Variants in NMUR2 observed in about 807,000 individuals in gnomAD.
The protein encoded by NMUR2 is neuromedin U receptor 2.
NMUR2 carries 24 observed loss-of-function variants against 25.1 expected under a neutral mutation model. The ratio of observed to expected loss-of-function variants is 0.96; its 90% CI spans 0.69 to 1.34. NMUR2 has a LOEUF of 1.34. NMUR2 is among the 40% of genes most tolerant of loss of function. NMUR2 has a pLI of 0.00. For missense variants in NMUR2, 533 were observed against 512.8 expected (o/e 1.04, Z -0.38); for synonymous variants, 218 against 208.1 (o/e 1.05, Z -0.41).
intron 3 of NMUR2, 71 bp from the exon 4 acceptor site, chr5:152,392,572 A>AAT: frequency 8.1e-7 from 1 of 1,231,434 alleles, no homozygotes. Context: ...AAGAAGCATA[A>AAT]ATATTTACAA....
chr5:152,395,592 T>G lies in NMUR2; in HGVS notation c.812-8A>C. 1 of 1,612,566 alleles carries G rather than the reference T, an allele frequency of 6.2e-7. No individual in the cohort carries two copies. Among genetic ancestry groups the G allele is most frequent in the Non-Finnish European group, 8.5e-7 (1 of 1,179,396 alleles). Reference sequence around the variant, plus strand: ...ACACTAAGACCAAGACAACTGAAAATGGATGATAAATGGGAGACCAGAAGA... The same window carrying G: ...ACACTAAGACCAAGACAACTGAAAAGGGATGATAAATGGGAGACCAGAAGA... On this transcript the variant is annotated splice_region_variant and splice_polypyrimidine_tract_variant and intron_variant, in intron 2 of 3. Coordinates refer to ENST00000255262, the MANE Select transcript of NMUR2 (RefSeq NM_020167.5).
Position 152,404,732 on chromosome 5 carries a change from T to C in NMUR2, c.382A>G (p.Thr128Ala), listed in dbSNP as rs912549370. 3 of 1,614,048 alleles carry C rather than the reference T, an allele frequency of 1.9e-6. No individual in the cohort carries two copies. Among genetic ancestry groups the C allele is most frequent in the Admixed American group, 3.3e-5 (2 of 60,014 alleles). Reference sequence around the variant, plus strand: ...CTGAGGATGGAGGCGAAGCACACGGTCTCAAAGAGGGCCGTCTTGAAGTAG... The same window carrying C: ...CTGAGGATGGAGGCGAAGCACACGGCCTCAAAGAGGGCCGTCTTGAAGTAG... The part of the protein sequence containing the change: ...GCYFKTALFE[T>A]VCFASILSIT... The change falls in exon 1 of 4, where the codon ACC becomes GCC. Residue 128 changes from threonine to alanine, a missense_variant. Transcript: ENST00000255262.
chr5:152,396,794 A>G (rs1048202921), intron 2 of NMUR2, among the ~76,000 whole-genome samples: 3 of 151,980 alleles, frequency 2.0e-5, no homozygotes, highest in Non-Finnish European at 4.4e-5. Context: ...CAGGAGGCTG[A>G]GGCAGGAGAA....
chr5:152,395,422 A>C (rs755192580), intron 3 of NMUR2, 37 bp downstream of exon 3: 1 of 1,612,600 alleles, frequency 6.2e-7, no homozygotes, highest in South Asian at 1.1e-5. Context: ...CTGTTACCTG[A>C]ATACTAGTCA....
In NMUR2 at chr5:152,404,852, C is replaced by T. The variant is rs1159850801; in HGVS notation, c.262G>A (p.Ala88Thr). The T allele has an allele frequency of 1.9e-6, 3 of 1,614,024 alleles. No individual in the cohort carries two copies. Among genetic ancestry groups the T allele is most frequent in the Middle Eastern group, 3.3e-4 (2 of 6,062 alleles). ...AGCAGGACCAGGAGGTCAGAGACCG[C>T]CAGGCTGAAGAGGTAGTAGTTGGTG... ...TPTNYYLFSL[A>T]VSDLLVLLLG... The change falls in exon 1 of 4, where the codon GCG becomes ACG. Residue 88 changes from alanine (A) to threonine (T), a missense_variant. Ala to Thr is a moderately conservative substitution (Grantham distance 58). Transcript: ENST00000255262.
chr5:152,397,972 C>A (rs1350995985), intron 2 of NMUR2, 88 bp downstream of exon 2: 3 of 867,126 alleles, frequency 3.5e-6, no homozygotes, highest in African/African-American at 1.7e-5. Flanking sequence ...TAAATTGGAA[C>A]CTACCCCAGC....
Position 152,404,916 on chromosome 5 carries a change from C to T in NMUR2, c.198G>A (p.Val66=), listed in dbSNP as rs774875518. The T allele has an allele frequency of 1.2e-6, 2 of 1,614,024 alleles. No homozygotes were observed. Among genetic ancestry groups the T allele is most frequent in the Admixed American group, 3.3e-5 (2 of 60,026 alleles). ...FVVGVIGNVL[V]CLVILQHQAM... ...CCTGGTGCTGCAGAATCACCAGGCA[C>T]ACCAGGACATTGCCAATGACCCCCA... The change falls in exon 1 of 4, where the codon GTG becomes GTA. Residue 66 remains valine, a synonymous_variant. Coordinates refer to ENST00000255262, the MANE Select transcript of NMUR2 (RefSeq NM_020167.5).
Position 152,398,018 on chromosome 5 carries a change from C to T in NMUR2, c.811+42G>A, listed in dbSNP as rs190820545. The T allele has an allele frequency of 2.7e-6, 4 of 1,456,610 alleles. No homozygotes were observed. In the African/African-American group the frequency reaches 5.6e-5, roughly 20 times the overall value. 90.2% of individuals were successfully genotyped at this position (1,456,610 alleles called of 1,614,324 possible). On this transcript the variant is annotated intron_variant, in intron 2 of 3. Transcript: ENST00000255262. ...TGGTACCAAATGTACCTCCTTTGCT[C>T]TTATGAACAAAACAAAACAAAAAAC...
At chr5:152,402,841 G>A (rs1753281578) in intron 1 of NMUR2, among the ~76,000 whole-genome samples, 1 of 152,212 alleles carries the variant, frequency 6.6e-6, no homozygotes, top group Non-Finnish European at 1.5e-5. Flanking sequence ...AGCCCTCCAG[G>A]AGGGGACTGG....
intron 1 of NMUR2, among the ~76,000 whole-genome samples, chr5:152,399,879 CTATT>C (rs892142565): frequency 6.6e-6 from 1 of 152,044 alleles, no homozygotes; most frequent in African/African-American, 2.4e-5. Flanking sequence ...TAGAATCAAT[CTATT>C]TAGTTACAGG....
At position 152,402,735 on chromosome 5, in the gene NMUR2, A is replaced by G. The variant is rs146396354; in HGVS notation, c.726+1653T>C. ...CATAAGACTTTCTTTGGAGTTGTAT[A>G]GAAGTCTTTTCCCCGCAGTGAGATG... On this transcript the variant is annotated intron_variant, in intron 1 of 3. Transcript: ENST00000255262. 4.5e-3 allele frequency among the ~76,000 whole-genome samples: 692 copies of G among 152,294 alleles called. 4 individuals are homozygous for G. Among genetic ancestry groups the G allele is most frequent in the African/African-American group, 0.016 (660 of 41,542 alleles).
intron 2 of NMUR2, among the ~76,000 whole-genome samples, chr5:152,397,084 T>TA (rs1753167003): frequency 6.8e-6 from 1 of 147,756 alleles, no homozygotes; most frequent in Non-Finnish European, 1.5e-5. Flanking sequence ...GAAGAAACTA[T>TA]GTTTCTTGAT....
In NMUR2 at chr5:152,405,165, G is replaced by A; in HGVS notation, c.-52C>T. On this transcript the variant is annotated 5_prime_UTR_variant, in exon 1 of 4. Coordinates refer to ENST00000255262, the MANE Select transcript of NMUR2 (RefSeq NM_020167.5). The stretch of plus-strand genomic sequence containing the variant: ...GGTACGAGGCTCTGTTTCAAGCTGA[G>A]CCAGGAAAAAAAAAAAAAAAAGAAA... 3.0e-6 allele frequency: 4 copies of A among 1,345,352 alleles called. No individual in the cohort carries two copies. Among genetic ancestry groups the A allele is most frequent in the South Asian group, 3.7e-5 (2 of 53,468 alleles). The allele number at this position is 1,345,352 out of a possible 1,614,324, so 83.3% of individuals were successfully genotyped here. A position where few individuals can be genotyped will look rare whatever the true frequency, so the allele number is the denominator to read the frequency against.
intron 1 of NMUR2, among the ~76,000 whole-genome samples, chr5:152,404,155 T>C (rs1753306869): frequency 6.6e-6 from 1 of 152,184 alleles, no homozygotes; most frequent in Non-Finnish European, 1.5e-5. Flanking sequence ...ACCCCAAGAA[T>C]AGAGGGAAGA....
intron 1 of NMUR2, among the ~76,000 whole-genome samples, chr5:152,399,978 G>A (rs1308758868): frequency 3.3e-5 from 5 of 152,140 alleles, no homozygotes; most frequent in African/African-American, 9.7e-5. Flanking sequence ...AGCAATAATC[G>A]TCCTGGGCTG....
In NMUR2 at chr5:152,398,090, G is replaced by T. The variant is rs1471545843; in HGVS notation, c.781C>A (p.Pro261Thr). ...ATCTTGTTGACTGATTTTCTGCAGG[G>T]TCTTTGAATATTTGCATTCCCTTCA... ...ADEGNANIQR[P>T]CRKSVNKMLF... Residue 261 changes from proline (P) to threonine (T), a missense_variant, in exon 2 of 4, where the codon CCC (proline) becomes ACC (threonine). By Grantham distance (38) the Pro-to-Thr change is conservative. Coordinates refer to ENST00000255262, the MANE Select transcript of NMUR2 (RefSeq NM_020167.5). 5.6e-6 allele frequency: 9 copies of T among 1,613,210 alleles called. No individual in the cohort carries two copies. The highest frequency in any genetic ancestry group is 5.0e-5 in the Admixed American group (3 of 59,930).
chr5:152,395,512 T>C lies in NMUR2; in HGVS notation c.884A>G (p.Glu295Gly). 1 of 1,613,504 alleles carries C rather than the reference T, an allele frequency of 6.2e-7. No individual in the cohort carries two copies. Among genetic ancestry groups the C allele is most frequent in the Non-Finnish European group, 8.5e-7 (1 of 1,179,760 alleles). The change falls in exon 3 of 4, where the codon GAG (glutamate) becomes GGG (glycine). Residue 295 changes from glutamate (E) to glycine (G), a missense_variant. Coordinates refer to ENST00000255262, the MANE Select transcript of NMUR2 (RefSeq NM_020167.5). ...HIDRLFFSFV[E>G]EWSESLAAVF... ...AGCAGCCAGGGATTCACTCCACTCC[T>C]CCACAAAGCTGAAGAAGAGTCGGTC...
intron 1 of NMUR2, 68 bp downstream of exon 1, chr5:152,404,320 T>TC: frequency 5.3e-6 from 8 of 1,512,172 alleles, no homozygotes; most frequent in Non-Finnish European, 6.2e-6. Flanking sequence ...TCTAAGTTTT[T>TC]CTCTGAACTT....
At position 152,392,427 on chromosome 5, in the gene NMUR2, A is replaced by G; in HGVS notation, c.1012T>C (p.Phe338Leu). 6.2e-7 allele frequency: 1 copy of G among 1,614,076 alleles called. No individual in the cohort carries two copies. Among genetic ancestry groups the G allele is most frequent in the Non-Finnish European group, 8.5e-7 (1 of 1,179,954 alleles). ...NLLSRRFQAA[F>L]QNVISSFHKQ... ...TGGAAAGAAGAGATCACATTCTGGA[A>G]TGCTGCCTGGAAGCGGCGAGACAGT... The change falls in exon 4 of 4, where the codon TTC (phenylalanine) becomes CTC (leucine). Residue 338 changes from phenylalanine (F) to leucine (L), a missense_variant. By Grantham distance (22) the Phe-to-Leu change is conservative. Coordinates refer to ENST00000255262, the MANE Select transcript of NMUR2 (RefSeq NM_020167.5).
Sources: allele counts gnomAD v4.1 joint callset (sites outside exome capture counted in the v4.1 genomes callset), GRCh38; gene constraint gnomAD v4.1.1; transcripts MANE v1.5; gene names NCBI Gene and HGNC (gene_info 2026-07-23, HGNC 2026-07-21).